Variants in SLC25A48 observed in about 807,000 individuals in gnomAD.
The protein encoded by SLC25A48 is CTC-321K16.1.
In SLC25A48, 29 loss-of-function variants were observed where a neutral mutation model predicts 32.2. The ratio of observed to expected loss-of-function variants is 0.90; its 90% CI spans 0.67 to 1.23. SLC25A48 has a LOEUF of 1.23. Among genes scored for constraint, SLC25A48 ranks in the 50% most tolerant of loss-of-function variants. The probability of loss-of-function intolerance (pLI) is 0.00; values close to 1 mark genes in which losing one functional copy is unlikely to be tolerated. For missense variants in SLC25A48, 399 were observed against 422.7 expected (o/e 0.94, Z 0.49); for synonymous variants, 164 against 172.3 (o/e 0.95, Z 0.38).
chr5:135,883,363 TC>T (rs1426102816), intron 7 of SLC25A48: 2 of 985,088 alleles, frequency 2.0e-6, no homozygotes, highest in African/African-American at 1.8e-5. Flanking sequence ...AAATAGACCC[TC>T]CCCCCATGGC....
intron 3 of SLC25A48, among the ~76,000 whole-genome samples, chr5:135,695,185 T>G (rs1280049941): frequency 1.5e-4 from 23 of 152,152 alleles, no homozygotes; most frequent in Admixed American, 1.5e-3. Context: ...CAACTCCAAG[T>G]CCCCTCTTCA....
intron 3 of SLC25A48, among the ~76,000 whole-genome samples, chr5:135,689,776 G>A (rs1377178312): frequency 3.3e-5 from 5 of 152,212 alleles, no homozygotes; most frequent in Non-Finnish European, 5.9e-5. Flanking sequence ...GCTTACAAGA[G>A]CAACCCAGCT....
At chr5:135,839,786 G>A (rs2126694954) in intron 1 of SLC25A48, among the ~76,000 whole-genome samples, 1 of 152,228 alleles carries the variant, frequency 6.6e-6, no homozygotes, top group South Asian at 2.1e-4. Context: ...AATCATGGGG[G>A]CGAGTTTTCC....
intron 3 of SLC25A48, among the ~76,000 whole-genome samples, chr5:135,685,746 T>A (rs1754008752): frequency 6.6e-6 from 1 of 152,230 alleles, no homozygotes; most frequent in Non-Finnish European, 1.5e-5. Flanking sequence ...TTTTAAAGAA[T>A]AGGTTCTGCG....
At position 135,800,462 on chromosome 5, in the gene SLC25A48, T is replaced by C. The variant is rs375873733; in HGVS notation, c.-520-12061T>C. Reference sequence around the variant, plus strand: ...AGAAAATGTCCACACCCCCTTGTGATATTGTTCCTAATATGCAGGGGAAGA... The same window carrying C: ...AGAAAATGTCCACACCCCCTTGTGACATTGTTCCTAATATGCAGGGGAAGA... On this transcript the variant is annotated intron_variant, in intron 3 of 10. Transcript: ENST00000646290. Among the ~76,000 whole-genome samples the C allele has an allele frequency of 6.6e-5, 10 of 152,034 alleles. No individual in the cohort carries two copies. In the East Asian group the frequency reaches 1.7e-3, roughly 27 times the overall value.
At chr5:135,720,266 G>T (rs7702531) in intron 3 of SLC25A48, among the ~76,000 whole-genome samples, 61,622 of 152,074 alleles carry the variant, frequency 0.41, 14,249 homozygotes, top group Non-Finnish European at 0.52. Flanking sequence ...GGGACCCACA[G>T]GAGGGGTCTG....
At chr5:135,733,747 T>C (rs1274016582) in intron 3 of SLC25A48, among the ~76,000 whole-genome samples, 5 of 152,046 alleles carry the variant, frequency 3.3e-5, no homozygotes. Flanking sequence ...ATGAAAAGGT[T>C]GGGATGATTT....
chr5:135,852,558 T>G lies in SLC25A48; in HGVS notation c.163-5T>G, dbSNP rs1580992409. ...CACGCCTCTTCCTTCTGGTTTTCAC[T>G]GCAGATGTTCGGCTTCTTCAAGGGC... On this transcript the variant is annotated splice_polypyrimidine_tract_variant and splice_region_variant and intron_variant, in intron 3 of 7. Transcript: ENST00000681962. The G allele has an allele frequency of 1.9e-6, 3 of 1,589,776 alleles. No homozygotes were observed. Among genetic ancestry groups the G allele is most frequent in the Non-Finnish European group, 2.6e-6 (3 of 1,161,390 alleles).
Position 135,888,270 on chromosome 5 carries a change from G to A in SLC25A48, c.*246G>A, listed in dbSNP as rs898334994. 1.3e-5 allele frequency: 7 copies of A among 518,952 alleles called. No individual in the cohort carries two copies. Among genetic ancestry groups the A allele is most frequent in the Admixed American group, 3.1e-5 (1 of 32,150 alleles). 32.1% of individuals were successfully genotyped at this position (518,952 alleles called of 1,614,324 possible). ...CACTCTGCTAGGCTGGCATCAAAGA[G>A]CTTTCCAAGAAATGTTTGGTCCAGC... On this transcript the variant is annotated 3_prime_UTR_variant, in exon 8 of 8. Coordinates refer to ENST00000681962, the MANE Select transcript of SLC25A48 (RefSeq NM_001349336.2).
At chr5:135,594,343 C>G (rs1751597399) in intron 1 of SLC25A48, among the ~76,000 whole-genome samples, 1 of 152,156 alleles carries the variant, frequency 6.6e-6, no homozygotes, top group African/African-American at 2.4e-5. Context: ...CTGACACATC[C>G]CTGACCCCCA....
chr5:135,876,148 T>A (rs1161922940), intron 6 of SLC25A48: 1 of 135,846 alleles, frequency 7.4e-6, no homozygotes, highest in Non-Finnish European at 1.6e-5. Flanking sequence ...TTTTTTTTTT[T>A]TTTTTTTTTT....
intron 3 of SLC25A48, among the ~76,000 whole-genome samples, chr5:135,678,590 CT>C (rs1245544128): frequency 6.6e-6 from 1 of 152,082 alleles, no homozygotes; most frequent in African/African-American, 2.4e-5. Context: ...ATAATATTTC[CT>C]TTTTTTCATG....
chr5:135,805,855 GGTGTATACCCTGT>G (rs1345021423), intron 3 of SLC25A48, among the ~76,000 whole-genome samples: 2 of 150,406 alleles, frequency 1.3e-5, no homozygotes, highest in African/African-American at 4.9e-5. Flanking sequence ...TATCCCTGTG[GGTGTATACCCTGT>G]GTGTATACCC....
intron 3 of SLC25A48, among the ~76,000 whole-genome samples, chr5:135,758,225 T>C (rs548376738): frequency 1.3e-5 from 2 of 151,006 alleles, no homozygotes; most frequent in East Asian, 4.0e-4. Flanking sequence ...ATTAATAGAA[T>C]ATCTCTATGA....
At chr5:135,639,807 A>G (rs1399056932) in intron 3 of SLC25A48, among the ~76,000 whole-genome samples, 1 of 152,234 alleles carries the variant, frequency 6.6e-6, no homozygotes, top group South Asian at 2.1e-4. Flanking sequence ...CACCAATGAC[A>G]AGTATCTTCT....
intron 3 of SLC25A48, among the ~76,000 whole-genome samples, chr5:135,765,186 C>A (rs1380876016): frequency 1.3e-5 from 2 of 151,350 alleles, no homozygotes; most frequent in South Asian, 2.1e-4. Context: ...GGGGTGTACA[C>A]CCCTCTGTTT....
At chr5:135,655,543 G>A (rs1397895574) in intron 3 of SLC25A48, among the ~76,000 whole-genome samples, 1 of 152,156 alleles carries the variant, frequency 6.6e-6, no homozygotes, top group Non-Finnish European at 1.5e-5. Flanking sequence ...AGTCCCCAAA[G>A]GGCTGAGTGA....
At position 135,842,430 on chromosome 5, in the gene SLC25A48, A is replaced by G. The variant is rs1258714048; in HGVS notation, c.61A>G (p.Ile21Val). ...TTGATCCACAGGTGCAGCCAGTGTCATCGTTGGCCACCCTCTGGACACAGT... is the reference window on the plus strand; with the variant it reads ...TTGATCCACAGGTGCAGCCAGTGTCGTCGTTGGCCACCCTCTGGACACAGT... ...AGWIGGAASV[I>V]VGHPLDTVKT... is the part of the protein sequence containing the mutation. The change falls in exon 2 of 8, where the codon ATC (isoleucine) becomes GTC (valine). Residue 21 changes from isoleucine (I) to valine (V), a missense_variant. Coordinates refer to ENST00000681962, the MANE Select transcript of SLC25A48 (RefSeq NM_001349336.2). 2 of 1,613,898 alleles carry G rather than the reference A, an allele frequency of 1.2e-6. No individual in the cohort carries two copies. Among genetic ancestry groups the G allele is most frequent in the Admixed American group, 1.7e-5 (1 of 60,026 alleles).
intron 3 of SLC25A48, among the ~76,000 whole-genome samples, chr5:135,676,579 T>C (rs1435528151): frequency 6.6e-6 from 1 of 152,006 alleles, no homozygotes; most frequent in East Asian, 1.9e-4. Flanking sequence ...CTTTCTTCTT[T>C]TCTGATGTAC....
Sources: gnomAD v4.1 joint callset for allele counts (sites outside exome capture counted in the v4.1 genomes callset) on GRCh38, gnomAD v4.1.1 for gene constraint, MANE v1.5 for transcripts, NCBI Gene and HGNC (gene_info 2026-07-23, HGNC 2026-07-21) for gene names.